Variants in RGPD2 observed in about 807,000 individuals in gnomAD.
RGPD2 encodes the protein RANBP2 like and GRIP domain containing 2, also known as RANBP2-like and GRIP domain-containing protein 2.
Under a neutral mutation model 36.0 loss-of-function variants are expected in RGPD2, and 2 were observed. That is an observed-to-expected ratio of 0.06 (90% CI 0.02 to 0.17). The LOEUF is 0.17. Ranked by LOEUF, RGPD2 falls within the 10% of genes least tolerant of loss-of-function variation. RGPD2 has a pLI of 1.00. For missense variants in RGPD2, 40 were observed against 464.3 expected (o/e 0.09, Z 8.40); for synonymous variants, 19 against 163.8 (o/e 0.12, Z 6.75).
intron 22 of RGPD2, among the ~76,000 whole-genome samples, chr2:87,760,996 CTTG>C (rs1684873691): frequency 7.2e-6 from 1 of 138,118 alleles, no homozygotes; most frequent in South Asian, 2.5e-4. Context: ...GTTCTTGACT[CTTG>C]TTCTGTTTTT....
the RGPD2 span, among the ~76,000 whole-genome samples, chr2:87,940,866 A>G: frequency 6.6e-6 from 1 of 151,656 alleles, no homozygotes; most frequent in Non-Finnish European, 1.5e-5. Context: ...CGTTTAAACA[A>G]AGGAAAATTA....
intron 8 of RGPD2, among the ~76,000 whole-genome samples, 185 bp from the exon 9 acceptor site, chr2:87,798,359 A>T (rs1441882315): frequency 5.8e-3 from 5 of 858 alleles, no homozygotes; most frequent in African/African-American, 0.017. Flanking sequence ...GTACAGGTTT[A>T]ATATTCTCAG....
At chr2:87,867,771 T>C in the RGPD2 span, among the ~76,000 whole-genome samples, 1 of 146,902 alleles carries the variant, frequency 6.8e-6, no homozygotes, top group Non-Finnish European at 1.5e-5. Flanking sequence ...ACATATACAA[T>C]ATAATATATA....
the RGPD2 span, among the ~76,000 whole-genome samples, chr2:87,983,390 C>T: frequency 7.4e-6 from 1 of 135,482 alleles, no homozygotes; most frequent in Non-Finnish European, 1.6e-5. Flanking sequence ...AAATTGCAGA[C>T]AGCAATTCCT....
At chr2:87,933,597 A>G in the RGPD2 span, among the ~76,000 whole-genome samples, 1 of 149,716 alleles carries the variant, frequency 6.7e-6, no homozygotes, top group Non-Finnish European at 1.5e-5. Flanking sequence ...TTTCTTTGTA[A>G]TGAGATATTT....
At chr2:87,977,468 A>T in the RGPD2 span, among the ~76,000 whole-genome samples, 1 of 151,068 alleles carries the variant, frequency 6.6e-6, no homozygotes, top group Admixed American at 6.6e-5. Flanking sequence ...CACTAAATGG[A>T]TTTTTTTAAT....
chr2:87,973,726 G>A, the RGPD2 span, among the ~76,000 whole-genome samples: 2 of 149,516 alleles, frequency 1.3e-5, no homozygotes, highest in Non-Finnish European at 3.0e-5. Flanking sequence ...GTGGGCTCTG[G>A]AGTCAGGTTA....
the RGPD2 span, among the ~76,000 whole-genome samples, chr2:87,894,819 C>T: frequency 7.6e-6 from 1 of 132,202 alleles, no homozygotes; most frequent in Non-Finnish European, 1.6e-5. Flanking sequence ...TTTTTTCTTA[C>T]TAAATGACTT....
the RGPD2 span, among the ~76,000 whole-genome samples, chr2:87,929,125 A>G: frequency 6.6e-6 from 1 of 151,908 alleles, no homozygotes. Flanking sequence ...ATCTTTGCCC[A>G]TGCCTATATC....
chr2:87,968,140 CA>C, the RGPD2 span, among the ~76,000 whole-genome samples: 4 of 128,252 alleles, frequency 3.1e-5, no homozygotes, highest in African/African-American at 1.3e-4. Flanking sequence ...AGAAATGTTC[CA>C]AATTATACTT....
At chr2:87,879,233 TA>T in the RGPD2 span, among the ~76,000 whole-genome samples, 1 of 151,688 alleles carries the variant, frequency 6.6e-6, no homozygotes, top group Admixed American at 6.6e-5. Context: ...ATGCAATGTG[TA>T]ACAATCACAT....
the RGPD2 span, chr2:87,968,617 C>A: frequency 6.6e-6 from 1 of 151,876 alleles, no homozygotes; most frequent in African/African-American, 2.5e-5. Context: ...AGATGTCGTT[C>A]CCAAAGTATA....
intron 7 of RGPD2, among the ~76,000 whole-genome samples, chr2:87,805,428 TA>T (rs1194307579): frequency 2.8e-5 from 3 of 108,640 alleles, no homozygotes; most frequent in Non-Finnish European, 5.9e-5. Context: ...GGGCCTTCTC[TA>T]AAAGTAATGA....
At chr2:87,886,462 T>C in the RGPD2 span, among the ~76,000 whole-genome samples, 1 of 151,756 alleles carries the variant, frequency 6.6e-6, no homozygotes, top group African/African-American at 2.4e-5. Context: ...TTCTGTGCAC[T>C]TACGTTAAGT....
chr2:87,962,331 T>G, the RGPD2 span, among the ~76,000 whole-genome samples: 1 of 151,940 alleles, frequency 6.6e-6, no homozygotes, highest in African/African-American at 2.4e-5. Context: ...TAACTGGAAA[T>G]TTGGGCTATT....
chr2:87,894,725 C>T, the RGPD2 span, among the ~76,000 whole-genome samples: 1 of 141,522 alleles, frequency 7.1e-6, no homozygotes, highest in African/African-American at 2.6e-5. Context: ...TATACTCATA[C>T]CTCCTTTCAA....
chr2:87,988,524 A>AATATAT, the RGPD2 span, among the ~76,000 whole-genome samples: 109 of 42,862 alleles, frequency 2.5e-3, 8 homozygotes, highest in South Asian at 5.0e-3. Flanking sequence ...TATACATATA[A>AATATAT]ATATATATAT....
chr2:87,921,287 C>T, the RGPD2 span, among the ~76,000 whole-genome samples: 1,625 of 152,164 alleles, frequency 0.011, 9 homozygotes, highest in South Asian at 0.023. Flanking sequence ...CAAATAAGCC[C>T]CCAGGGAAGC....
the RGPD2 span, among the ~76,000 whole-genome samples, chr2:87,831,296 G>A: frequency 4.6e-5 from 7 of 151,686 alleles, no homozygotes; most frequent in Non-Finnish European, 7.4e-5. Context: ...TTTTTTTACT[G>A]GACACAGTGT....
Sources: allele counts gnomAD v4.1 joint callset (sites outside exome capture counted in the v4.1 genomes callset), GRCh38; gene constraint gnomAD v4.1.1; transcripts MANE v1.5; gene names NCBI Gene and HGNC (gene_info 2026-07-23, HGNC 2026-07-21).